Variants in KCNIP4 observed in about 807,000 individuals in gnomAD.
KCNIP4 encodes the protein Kv channel-interacting protein 4.
A neutral mutation model predicts 34.0 loss-of-function variants in KCNIP4; 12 were observed. That is an observed-to-expected ratio of 0.35 (90% CI 0.23 to 0.57). KCNIP4 has a LOEUF of 0.57. Ranked by LOEUF, KCNIP4 falls within the 20% of genes least tolerant of loss-of-function variation. The pLI is 0.83. For synonymous variants in KCNIP4, 124 were observed against 102.2 expected (o/e 1.21, Z -1.29); for missense variants, 238 against 311.7 (o/e 0.76, Z 1.78).
chr4:21,320,304 G>GT (rs371469698), intron 1 of KCNIP4, among the ~76,000 whole-genome samples: 1 of 152,170 alleles, frequency 6.6e-6, no homozygotes, highest in African/African-American at 2.4e-5. Flanking sequence ...TGATTGAATG[G>GT]TTTACCAATT....
intron 1 of KCNIP4, among the ~76,000 whole-genome samples, chr4:20,889,685 A>G (rs1436206801): frequency 1.3e-5 from 2 of 152,024 alleles, no homozygotes; most frequent in African/African-American, 4.8e-5. Context: ...ATTTTATTGT[A>G]AATTAATCCA....
At chr4:21,480,470 A>G (rs940073288) in intron 1 of KCNIP4, among the ~76,000 whole-genome samples, 13 of 152,188 alleles carry the variant, frequency 8.5e-5, no homozygotes, top group African/African-American at 3.1e-4. Flanking sequence ...TCAAAACATC[A>G]TACTTTATAA....
intron 3 of KCNIP4, among the ~76,000 whole-genome samples, chr4:20,814,172 C>T (rs751916071): frequency 6.6e-6 from 1 of 152,144 alleles, no homozygotes; most frequent in Non-Finnish European, 1.5e-5. Flanking sequence ...CTCCCAGGTC[C>T]CATCCCAGGA....
At chr4:21,945,882 G>A (rs1369077671) in intron 1 of KCNIP4, among the ~76,000 whole-genome samples, 4 of 151,252 alleles carry the variant, frequency 2.6e-5, no homozygotes, top group Non-Finnish European at 5.9e-5. Flanking sequence ...CAGGGCAAAA[G>A]TGAGCACTCT....
chr4:20,750,000 A>G (rs1753299583), intron 4 of KCNIP4, among the ~76,000 whole-genome samples: 1 of 152,204 alleles, frequency 6.6e-6, no homozygotes, highest in Non-Finnish European at 1.5e-5. Flanking sequence ...TGAGATTAAC[A>G]CTGGGACAAG....
At chr4:21,246,598 G>C (rs1236943745) in intron 1 of KCNIP4, among the ~76,000 whole-genome samples, 1 of 152,012 alleles carries the variant, frequency 6.6e-6, no homozygotes, top group East Asian at 1.9e-4. Flanking sequence ...TCAAGCAGCA[G>C]GCAATTTTGA....
chr4:20,973,578 T>A (rs1186583585), intron 1 of KCNIP4, among the ~76,000 whole-genome samples: 1 of 152,242 alleles, frequency 6.6e-6, no homozygotes, highest in Non-Finnish European at 1.5e-5. Context: ...GTTCACAATT[T>A]GGCTAACTGG....
chr4:21,020,319 T>C (rs546749664), intron 1 of KCNIP4, among the ~76,000 whole-genome samples: 1 of 152,288 alleles, frequency 6.6e-6, no homozygotes, highest in South Asian at 2.1e-4. Flanking sequence ...TTCTTCAATA[T>C]CCACAAATTC....
At chr4:21,611,841 AGG>A (rs1744185226) in intron 1 of KCNIP4, among the ~76,000 whole-genome samples, 1 of 152,190 alleles carries the variant, frequency 6.6e-6, no homozygotes, top group Non-Finnish European at 1.5e-5. Context: ...AGAGACGGAA[AGG>A]TACAAGACCA....
Position 20,990,032 on chromosome 4 carries a change from C to T in KCNIP4, c.62-107323G>A, listed in dbSNP as rs553464821. Among the ~76,000 whole-genome samples, 9 of 152,146 alleles carry T rather than the reference C, an allele frequency of 5.9e-5. No homozygotes were observed. The South Asian group carries it at 6.2e-4, about 11-fold the overall frequency. ...GCCAGATTGAGACCTCCAAGCCAGG[C>T]GAGAAAAATGAGATTGGATAGTTGG... On this transcript the variant is annotated intron_variant, in intron 1 of 8. Transcript: ENST00000382152.
intron 1 of KCNIP4, among the ~76,000 whole-genome samples, chr4:21,278,310 G>A (rs544012881): frequency 2.1e-4 from 32 of 152,182 alleles, no homozygotes; most frequent in African/African-American, 7.2e-4. Flanking sequence ...GGAATTAAGC[G>A]TAGTACCCAA....
intron 1 of KCNIP4, among the ~76,000 whole-genome samples, chr4:21,032,295 G>C (rs1246619362): frequency 6.6e-6 from 1 of 152,132 alleles, no homozygotes. Flanking sequence ...GCTGAGAAGA[G>C]TCAATACCCA....
intron 1 of KCNIP4, among the ~76,000 whole-genome samples, chr4:21,108,706 GT>G (rs1301283736): frequency 5.9e-5 from 9 of 151,590 alleles, no homozygotes; most frequent in Non-Finnish European, 1.5e-5. Context: ...CTTCTGCTCT[GT>G]TTTTTCCCCA....
chr4:21,417,482 G>T (rs1725061626), intron 1 of KCNIP4, among the ~76,000 whole-genome samples: 1 of 152,102 alleles, frequency 6.6e-6, no homozygotes, highest in East Asian at 1.9e-4. Flanking sequence ...CTCCCGTTTT[G>T]TGGCATTAAA....
intron 1 of KCNIP4, among the ~76,000 whole-genome samples, chr4:21,812,429 G>T (rs1473922722): frequency 6.6e-6 from 1 of 151,960 alleles, no homozygotes; most frequent in Non-Finnish European, 1.5e-5. Flanking sequence ...TGTATTCCAG[G>T]AACTCATAAC....
intron 1 of KCNIP4, among the ~76,000 whole-genome samples, chr4:20,943,425 G>C (rs1731861070): frequency 6.6e-6 from 1 of 152,200 alleles, no homozygotes; most frequent in Non-Finnish European, 1.5e-5. Flanking sequence ...TAATGCTTAA[G>C]AGCTGGGTTT....
chr4:20,933,769 C>A (rs1274169615), intron 1 of KCNIP4, among the ~76,000 whole-genome samples: 3 of 151,500 alleles, frequency 2.0e-5, no homozygotes, highest in Non-Finnish European at 4.4e-5. Flanking sequence ...AGAAATTTAG[C>A]CAGTACTGAA....
intron 1 of KCNIP4, among the ~76,000 whole-genome samples, chr4:21,765,112 TG>T (rs1247476110): frequency 1.3e-5 from 2 of 151,580 alleles, no homozygotes; most frequent in African/African-American, 4.8e-5. Flanking sequence ...GAATTTAAAA[TG>T]GGAAGTGCAA....
intron 1 of KCNIP4, among the ~76,000 whole-genome samples, chr4:21,585,532 G>T (rs376764068): frequency 6.6e-6 from 1 of 151,786 alleles, no homozygotes; most frequent in South Asian, 2.1e-4. Context: ...ATGAGAATGA[G>T]AGTCATTGAT....
Sources: gnomAD v4.1 joint callset for allele counts (sites outside exome capture counted in the v4.1 genomes callset) on GRCh38, gnomAD v4.1.1 for gene constraint, MANE v1.5 for transcripts, NCBI Gene and HGNC (gene_info 2026-07-23, HGNC 2026-07-21) for gene names.